Variants in RERE observed in about 807,000 individuals in gnomAD.
The protein encoded by RERE is arginine-glutamic acid dipeptide repeats.
In RERE, 40 loss-of-function variants were observed where a neutral mutation model predicts 146.1. The ratio of observed to expected loss-of-function variants is 0.27; its 90% confidence interval spans 0.21 to 0.36. The LOEUF (loss-of-function observed/expected upper bound fraction) is 0.36. RERE is among the 10% of genes least tolerant of loss of function. The probability of loss-of-function intolerance (pLI) is 1.00; values close to 1 mark genes in which losing one functional copy is unlikely to be tolerated. For missense variants in RERE, 1,933 were observed against 2,138.7 expected (o/e 0.90, Z 1.90); for synonymous variants, 1,003 against 866.0 (o/e 1.16, Z -2.78).
chr1:8,466,094 G>T, intron 10 of RERE, 71 bp from the exon 11 acceptor site: 1 of 1,238,758 alleles, frequency 8.1e-7, no homozygotes, highest in Non-Finnish European at 1.1e-6. Context: ...TCCAAGGCAA[G>T]CTCCTCATTG....
chr1:8,802,414 T>A (rs1432466580), intron 1 of RERE, among the ~76,000 whole-genome samples: 1 of 152,198 alleles, frequency 6.6e-6, no homozygotes, highest in African/African-American at 2.4e-5. Context: ...AATTTAATAA[T>A]CCCCATCATA....
At chr1:8,376,332 CAGCTCAGG>C (rs1254093728) in intron 12 of RERE, among the ~76,000 whole-genome samples, 1 of 152,164 alleles carries the variant, frequency 6.6e-6, no homozygotes, top group Non-Finnish European at 1.5e-5. Flanking sequence ...CCAGCCTTCC[CAGCTCAGG>C]GTAGAGCCCC....
intron 1 of RERE, among the ~76,000 whole-genome samples, chr1:8,742,312 C>T (rs552146224): frequency 1.3e-5 from 2 of 152,322 alleles, no homozygotes; most frequent in East Asian, 3.9e-4. Flanking sequence ...CTCTCTGACA[C>T]TCCCAAAGGG....
At chr1:8,726,405 G>A (rs770177297) in intron 1 of RERE, among the ~76,000 whole-genome samples, 7 of 151,828 alleles carry the variant, frequency 4.6e-5, no homozygotes, top group Non-Finnish European at 8.8e-5. Flanking sequence ...CACCCGCCTC[G>A]GCCTCCCAAA....
chr1:8,360,562 G>A lies in RERE; in HGVS notation c.2945C>T (p.Ser982Leu), dbSNP rs768362881. The A allele has an allele frequency of 4.3e-5, 44 of 1,019,664 alleles. No homozygotes were observed. Among genetic ancestry groups the A allele is most frequent in the Admixed American group, 1.5e-4 (5 of 32,466 alleles). The allele number at this position is 1,019,664 out of a possible 1,614,324, so 63.2% of individuals were successfully genotyped here. A position where few individuals can be genotyped will look rare whatever the true frequency, so the allele number is the denominator to read the frequency against. Reference sequence around the variant, plus strand: ...GAGTTGCAGGGGTGGGGGGTGAGCCGACGGGGGGTGATGTGTGGACAGGGA... The same window carrying A: ...GAGTTGCAGGGGTGGGGGGTGAGCCAACGGGGGGTGATGTGTGGACAGGGA... ...LSSLSTHHPP[S>L]AHPPPLQLMP... The change falls in exon 18 of 23, where the codon TCG becomes TTG. Residue 982 changes from serine (S) to leucine (L), a missense_variant. Transcript: ENST00000400908.
chr1:8,582,904 C>A (rs997208869), intron 4 of RERE, among the ~76,000 whole-genome samples: 1 of 152,140 alleles, frequency 6.6e-6, no homozygotes, highest in East Asian at 1.9e-4. Flanking sequence ...TAGATCTGAG[C>A]CTGGCCTAGG....
intron 4 of RERE, among the ~76,000 whole-genome samples, chr1:8,563,462 T>C (rs545645256): frequency 1.3e-5 from 2 of 152,268 alleles, no homozygotes; most frequent in East Asian, 3.9e-4. Context: ...CAGCTGATGA[T>C]ACCTGCCACC....
intron 7 of RERE, among the ~76,000 whole-genome samples, chr1:8,537,348 A>G (rs970687745): frequency 1.3e-5 from 2 of 152,230 alleles, no homozygotes; most frequent in Admixed American, 6.5e-5. Flanking sequence ...AATATATCAC[A>G]GCATGTAACA....
chr1:8,425,255 G>A (rs1408706790), intron 11 of RERE: 1 of 152,208 alleles, frequency 6.6e-6, no homozygotes, highest in African/African-American at 2.4e-5. Flanking sequence ...TAGCTGAGAG[G>A]GGTCTAGGAA....
intron 4 of RERE, among the ~76,000 whole-genome samples, chr1:8,570,638 G>A (rs938468829): frequency 9.2e-5 from 14 of 152,122 alleles, no homozygotes; most frequent in Admixed American, 5.2e-4. Flanking sequence ...GAGAATGACA[G>A]TGAAAAAAAG....
chr1:8,803,778 T>C (rs1404855943), intron 1 of RERE, among the ~76,000 whole-genome samples: 1 of 151,940 alleles, frequency 6.6e-6, no homozygotes, highest in Non-Finnish European at 1.5e-5. Flanking sequence ...TCCAGGCTGG[T>C]CTCAAACTCT....
chr1:8,501,637 G>T (rs1645159622), intron 8 of RERE, among the ~76,000 whole-genome samples: 2 of 128,964 alleles, frequency 1.6e-5, no homozygotes, highest in African/African-American at 3.0e-5. Context: ...CCCCCGCCCG[G>T]CCAGCCGCCC....
chr1:8,422,193 T>C (rs946112560), intron 12 of RERE, among the ~76,000 whole-genome samples: 4 of 152,276 alleles, frequency 2.6e-5, no homozygotes, highest in African/African-American at 9.6e-5. Context: ...ATTTATAAGA[T>C]CCCCTTGTAC....
chr1:8,814,189 T>C (rs1168892450), intron 1 of RERE, among the ~76,000 whole-genome samples: 2 of 152,208 alleles, frequency 1.3e-5, no homozygotes, highest in Non-Finnish European at 1.5e-5. Context: ...GAAAGTAAAG[T>C]GAATCAGAAG....
chr1:8,503,603 C>T (rs4908762), intron 8 of RERE, among the ~76,000 whole-genome samples: 123,880 of 152,094 alleles, frequency 0.81, 50,684 homozygotes, highest in East Asian at 0.94. Flanking sequence ...CAAGAATATA[C>T]TGTTAAAAGA....
Position 8,801,156 on chromosome 1 carries a change from G to C in RERE, c.-145+16004C>G, listed in dbSNP as rs142918086. ...TTCCTGTAGCCTCAGCTACTGGAGG[G>C]GGTTGAGATGGGAAGATCGCTTGAG... On this transcript the variant is annotated intron_variant, in intron 1 of 22. Transcript: ENST00000400908. 4.9e-3 allele frequency among the ~76,000 whole-genome samples: 739 copies of C among 151,520 alleles called. 6 individuals are homozygous for C. Among genetic ancestry groups the C allele is most frequent in the African/African-American group, 0.017 (715 of 41,252 alleles).
In RERE at chr1:8,559,306, A is replaced by G. The variant is rs1338214880; in HGVS notation, c.523-1783T>C. Among the ~76,000 whole-genome samples, 135 of 122,738 alleles carry G rather than the reference A, an allele frequency of 1.1e-3. 3 individuals carry two copies. In the East Asian group the frequency reaches 0.03, roughly 27 times the overall value. The allele number at this position is 122,738 out of a possible 152,430, so 80.5% of individuals were successfully genotyped here. On this transcript the variant is annotated intron_variant, in intron 4 of 22. Transcript: ENST00000400908. ...AAAAAAAAAAAAAAAAAAAAAAAAC[A>G]GAACAAAACAAAACAAAAAACCAAA...
chr1:8,509,399 GCCAT>G lies in RERE; in HGVS notation c.831-728_831-725del, dbSNP rs755830199. ...AAACTTATCCTAGGACATATACTGA[GCCAT>G]CCATCCATCCATCCATCCATCCATC... is the stretch of plus-strand genomic sequence containing the variant. On this transcript the variant is annotated intron_variant, in intron 7 of 22. Coordinates refer to ENST00000400908, the MANE Select transcript of RERE (RefSeq NM_001042681.2). Among the ~76,000 whole-genome samples the G allele has an allele frequency of 8.2e-3, 1,127 of 137,330 alleles. 10 individuals carry two copies. The highest frequency in any genetic ancestry group is 0.025 in the African/African-American group (979 of 38,784). 90.1% of individuals were successfully genotyped at this position (137,330 alleles called of 152,430 possible). A position where few individuals can be genotyped will look rare whatever the true frequency, so the allele number is the denominator to read the frequency against.
intron 1 of RERE, among the ~76,000 whole-genome samples, chr1:8,789,852 T>C (rs1457217848): frequency 1.3e-5 from 2 of 152,150 alleles, no homozygotes; most frequent in Non-Finnish European, 2.9e-5. Flanking sequence ...GATGGCCCAC[T>C]CAGCTTTTCA....
Sources: gnomAD v4.1 joint callset for allele counts (sites outside exome capture counted in the v4.1 genomes callset) on GRCh38, gnomAD v4.1.1 for gene constraint, MANE v1.5 for transcripts, NCBI Gene and HGNC (gene_info 2026-07-23, HGNC 2026-07-21) for gene names.